Variants in GALNT9 observed in about 807,000 individuals in gnomAD.
GALNT9 encodes the protein polypeptide N-acetylgalactosaminyltransferase 9.
A neutral mutation model predicts 63.1 loss-of-function variants in GALNT9; 47 were observed. The observed-to-expected ratio is 0.75, with a 90% CI of 0.59 to 0.95. The LOEUF is 0.95. GALNT9 is among the 40% of genes least tolerant of loss of function. The pLI is 0.00. For synonymous variants in GALNT9, 396 were observed against 365.7 expected (o/e 1.08, Z -0.94); for missense variants, 829 against 874.8 (o/e 0.95, Z 0.66).
At chr12:132,260,219 C>A (rs1879324306) in intron 4 of GALNT9, among the ~76,000 whole-genome samples, 1 of 152,148 alleles carries the variant, frequency 6.6e-6, no homozygotes, top group African/African-American at 2.4e-5. Flanking sequence ...GGGCTGCAGC[C>A]CTCAGGAGCT....
At chr12:132,308,525 G>T (rs1420114902) in intron 1 of GALNT9, among the ~76,000 whole-genome samples, 2 of 152,186 alleles carry the variant, frequency 1.3e-5, no homozygotes, top group African/African-American at 4.8e-5. Flanking sequence ...GCTAAAGGCA[G>T]GGGGAGGCCT....
At chr12:132,292,808 C>T (rs1485870289) in intron 1 of GALNT9, among the ~76,000 whole-genome samples, 5 of 152,042 alleles carry the variant, frequency 3.3e-5, no homozygotes, top group South Asian at 2.1e-4. Context: ...GTCGGTGAGA[C>T]GGGAAGTCTG....
At chr12:132,281,870 G>A (rs112770324) in intron 2 of GALNT9, among the ~76,000 whole-genome samples, 5 of 147,550 alleles carry the variant, frequency 3.4e-5, no homozygotes, top group African/African-American at 1.0e-4. Flanking sequence ...ATCCCACAGA[G>A]GAGGAATCAG....
At chr12:132,244,099 C>A (rs112613586) in intron 6 of GALNT9, among the ~76,000 whole-genome samples, 1 of 149,448 alleles carries the variant, frequency 6.7e-6, no homozygotes, top group East Asian at 2.0e-4. Flanking sequence ...GCCGGCCACT[C>A]GGACCACGGT....
At chr12:132,324,279 C>T (rs570606530) in intron 1 of GALNT9, among the ~76,000 whole-genome samples, 1 of 152,284 alleles carries the variant, frequency 6.6e-6, no homozygotes, top group East Asian at 1.9e-4. Context: ...CATTCCGAGA[C>T]GCACGCGTGG....
intron 5 of GALNT9, among the ~76,000 whole-genome samples, chr12:132,257,445 T>TCGTCCCCAGCCCTCGTCCCCAC (rs1273060285): frequency 0.067 from 2,081 of 31,152 alleles, 395 homozygotes; most frequent in South Asian, 0.091. Context: ...CTCGTCCCCA[T>TCGTCCCCAGCCCTCGTCCCCAC]GCCCTCATCC....
Position 132,286,214 on chromosome 12 carries a change from C to T in GALNT9, c.419+36G>A, listed in dbSNP as rs141752567. ...GTGTGGGGGGCGGTCACTTCCTCGGCGGGCGTCGGGGGATGGGGGGCAGTC... is the reference window on the plus strand; with the variant it reads ...GTGTGGGGGGCGGTCACTTCCTCGGTGGGCGTCGGGGGATGGGGGGCAGTC... On this transcript the variant is annotated intron_variant, in intron 2 of 10. Coordinates refer to ENST00000328957, the MANE Select transcript of GALNT9 (RefSeq NM_001122636.2). This position sits in a 1 kb window ranked among gnomAD's most constrained non-coding sequence, Gnocchi z 7.4. The T allele has an allele frequency of 0.026, 39,243 of 1,522,734 alleles. 555 individuals carry two copies. The highest frequency in any genetic ancestry group is 0.049 in the Middle Eastern group (287 of 5,840). 94.3% of individuals were successfully genotyped at this position (1,522,734 alleles called of 1,614,324 possible).
intron 5 of GALNT9, among the ~76,000 whole-genome samples, chr12:132,254,880 T>C (rs553034213): frequency 1.3e-5 from 2 of 152,304 alleles, no homozygotes; most frequent in East Asian, 3.9e-4. Flanking sequence ...GGAGCGGCTG[T>C]TGGGACAGGT....
chr12:132,261,167 C>T (rs782597367), intron 3 of GALNT9, 45 bp from the exon 4 acceptor site: 18 of 1,540,750 alleles, frequency 1.2e-5, no homozygotes, highest in Middle Eastern at 1.7e-4. Flanking sequence ...TGCTGGCAGG[C>T]GCGGGGCCAC....
chr12:132,203,114 CG>C (rs1172901454), intron 7 of GALNT9, among the ~76,000 whole-genome samples: 1 of 152,146 alleles, frequency 6.6e-6, no homozygotes, highest in Non-Finnish European at 1.5e-5. Context: ...TGAGGCTGCC[CG>C]GGGCTGGGGA....
chr12:132,299,863 G>A (rs1222166572), intron 1 of GALNT9, among the ~76,000 whole-genome samples: 1 of 133,498 alleles, frequency 7.5e-6, no homozygotes, highest in Non-Finnish European at 1.6e-5. Flanking sequence ...CCACTCCTGA[G>A]ATAACTCACT....
chr12:132,305,319 A>G (rs1392661267), intron 1 of GALNT9, among the ~76,000 whole-genome samples: 84 of 19,704 alleles, frequency 4.3e-3, no homozygotes, highest in East Asian at 0.021. Context: ...ACCCTCACCC[A>G]GACACGCCCT....
At chr12:132,306,173 C>T (rs1322334477) in intron 1 of GALNT9, among the ~76,000 whole-genome samples, 2 of 152,248 alleles carry the variant, frequency 1.3e-5, no homozygotes, top group Non-Finnish European at 2.9e-5. Flanking sequence ...CTTACACAGG[C>T]AGCGTTGGAA....
chr12:132,210,587 G>C (rs893802122), intron 6 of GALNT9, among the ~76,000 whole-genome samples: 1 of 152,220 alleles, frequency 6.6e-6, no homozygotes, highest in Non-Finnish European at 1.5e-5. Flanking sequence ...TGGGTGGCGA[G>C]TGGGGTTAAC....
chr12:132,257,680 G>T lies in GALNT9; in HGVS notation c.959+9C>A. The T allele has an allele frequency of 3.9e-6, 6 of 1,544,558 alleles. No homozygotes were observed. Among genetic ancestry groups the T allele is most frequent in the Non-Finnish European group, 4.4e-6 (5 of 1,143,254 alleles). ...AGGGCCGCCCTCGACCCCTGAGGGC[G>T]CAGCTCACCTGATGGGTGCTGACTC... On this transcript the variant is annotated intron_variant, in intron 5 of 10. Coordinates refer to ENST00000328957, the MANE Select transcript of GALNT9 (RefSeq NM_001122636.2).
At chr12:132,201,363 G>T in intron 7 of GALNT9, 102 bp from the exon 8 acceptor site, 1 of 714,314 alleles carries the variant, frequency 1.4e-6, no homozygotes, top group Non-Finnish European at 2.4e-6. Flanking sequence ...TGCCCTCACA[G>T]GAGCAGCCTC....
intron 6 of GALNT9, among the ~76,000 whole-genome samples, chr12:132,219,857 C>T (rs1316263607): frequency 3.3e-5 from 5 of 149,688 alleles, no homozygotes; most frequent in South Asian, 2.1e-4. Flanking sequence ...GGGTGACACC[C>T]GCCCGGGAAA....
chr12:132,211,698 C>T (rs1035821101), intron 6 of GALNT9, among the ~76,000 whole-genome samples: 1 of 152,194 alleles, frequency 6.6e-6, no homozygotes, highest in Non-Finnish European at 1.5e-5. Flanking sequence ...CAGAGCATTT[C>T]CCCCTCTCCG....
At chr12:132,326,547 AC>A (rs1869043775) in intron 1 of GALNT9, among the ~76,000 whole-genome samples, 1 of 151,596 alleles carries the variant, frequency 6.6e-6, no homozygotes, top group Non-Finnish European at 1.5e-5. Flanking sequence ...GCCCCTCCCC[AC>A]CCCAGTGGCC....
Sources: gnomAD v4.1 joint callset for allele counts (sites outside exome capture counted in the v4.1 genomes callset) on GRCh38, gnomAD v4.1.1 for gene constraint, Gnocchi (gnomAD v3.1) non-coding constraint, MANE v1.5 for transcripts, NCBI Gene and HGNC (gene_info 2026-07-23, HGNC 2026-07-21) for gene names.